The following SUZ12 variants were observed in gnomAD, a reference collection of about 807,000 sequenced individuals.
SUZ12 encodes SUZ12 polycomb repressive complex 2 subunit.
A neutral mutation model predicts 87.3 loss-of-function variants in SUZ12; 17 were observed. That is an observed-to-expected ratio of 0.19 (90% confidence interval 0.13 to 0.29). The LOEUF is 0.29. SUZ12 is among the 10% of genes least tolerant of loss of function. The pLI is 1.00. For missense variants in SUZ12, 526 were observed against 912.2 expected, an observed-to-expected ratio of 0.58 and a Z score of 5.45; for synonymous variants, 253 against 312.4, an observed-to-expected ratio of 0.81 and a Z score of 2.01.
rs57744180 is a variant in SUZ12 at position 31,988,597 on chromosome 17, C to CTTT, written c.1201+111_1201+113dup. ...TTGTGTTTTGCTTTATGTGATTCTT[C>CTTT]TTTTTTTTTTTTTGAGATGGAGTCT... is the stretch of plus-strand genomic sequence containing the variant. On this transcript the variant is annotated intron_variant, in intron 10 of 15. Coordinates refer to ENST00000322652, the MANE Select transcript of SUZ12 (RefSeq NM_015355.4). 5.1e-3 allele frequency: 4,938 copies of CTTT among 962,330 alleles called. 1 individual carries two copies. The highest frequency in any genetic ancestry group is 8.4e-3 in the South Asian group (397 of 47,172). 59.6% of individuals were successfully genotyped at this position (962,330 alleles called of 1,614,324 possible). A position where few individuals can be genotyped will look rare whatever the true frequency, so the allele number is the denominator to read the frequency against.
intron 4 of SUZ12, among the ~76,000 whole-genome samples, chr17:31,963,541 A>G (rs1402151121): frequency 6.6e-6 from 1 of 151,740 alleles, no homozygotes; most frequent in Non-Finnish European, 1.5e-5. Context: ...TCTGTCGCCC[A>G]TGCTGGAGTG....
At chr17:31,945,396 T>C (rs1423262408) in intron 3 of SUZ12, among the ~76,000 whole-genome samples, 1 of 152,152 alleles carries the variant, frequency 6.6e-6, no homozygotes, top group Non-Finnish European at 1.5e-5. Flanking sequence ...TCTAGAAGTA[T>C]TCAACTTCTA....
At chr17:31,940,828 C>A (rs1906228748) in intron 3 of SUZ12, among the ~76,000 whole-genome samples, 1 of 151,766 alleles carries the variant, frequency 6.6e-6, no homozygotes, top group South Asian at 2.1e-4. Context: ...GTTTGGCCAA[C>A]ATGGGAAAAC....
intron 5 of SUZ12, among the ~76,000 whole-genome samples, chr17:31,968,822 G>A (rs895010744): frequency 8.5e-5 from 13 of 152,248 alleles, no homozygotes; most frequent in African/African-American, 3.1e-4. Context: ...AGGGACCTGT[G>A]TAGAACACAT....
intron 4 of SUZ12, among the ~76,000 whole-genome samples, chr17:31,955,749 A>G (rs1045451273): frequency 1.4e-4 from 21 of 151,922 alleles, no homozygotes; most frequent in Non-Finnish European, 2.4e-4. Flanking sequence ...CTACATCTCA[A>G]AAAAACTTAC....
At chr17:31,973,033 G>A in intron 5 of SUZ12, 113 bp from the exon 6 acceptor site, 1 of 959,556 alleles carries the variant, frequency 1.0e-6, no homozygotes, top group Non-Finnish European at 1.5e-6. Flanking sequence ...GTGAACTTTT[G>A]AGAAGTCTTA....
intron 4 of SUZ12, among the ~76,000 whole-genome samples, chr17:31,950,607 C>T (rs1224855362): frequency 6.6e-6 from 1 of 151,996 alleles, no homozygotes; most frequent in Non-Finnish European, 1.5e-5. Context: ...TCCCTTGAAC[C>T]CGGGAGGCAG....
intron 14 of SUZ12, 99 bp downstream of exon 14, chr17:31,995,861 T>C: frequency 1.2e-6 from 1 of 857,006 alleles, no homozygotes; most frequent in South Asian, 1.9e-5. Flanking sequence ...GGAACTTTTT[T>C]TAAAAAAAAA....
chr17:31,955,759 C>T (rs528442662), intron 4 of SUZ12, among the ~76,000 whole-genome samples: 13 of 151,808 alleles, frequency 8.6e-5, no homozygotes, highest in Non-Finnish European at 1.9e-4. Flanking sequence ...AAAAAACTTA[C>T]AGTAGAGATC....
chr17:31,937,175 T>G lies in SUZ12; in HGVS notation c.-72T>G. 22 of 1,274,388 alleles carry G rather than the reference T, an allele frequency of 1.7e-5. No homozygotes were observed. Among genetic ancestry groups the G allele is most frequent in the Non-Finnish European group, 1.9e-5 (19 of 986,446 alleles). The allele number at this position is 1,274,388 out of a possible 1,614,324, so 78.9% of individuals were successfully genotyped here. ...CGCCGGAGCCTGCTGGGGCGAGCGG[T>G]TGGTATTGCAGGCGCTTGCTCTCCG... On this transcript the variant is annotated 5_prime_UTR_variant, in exon 1 of 16. Coordinates refer to ENST00000322652, the MANE Select transcript of SUZ12 (RefSeq NM_015355.4).
intron 8 of SUZ12, among the ~76,000 whole-genome samples, chr17:31,978,593 G>T (rs185326620): frequency 0.043 from 6,583 of 152,188 alleles, 210 homozygotes; most frequent in East Asian, 0.15. Flanking sequence ...GAAAATAGTG[G>T]TCATGTCTGT....
intron 4 of SUZ12, among the ~76,000 whole-genome samples, chr17:31,954,294 C>T (rs776078236): frequency 6.6e-6 from 1 of 152,132 alleles, no homozygotes; most frequent in Non-Finnish European, 1.5e-5. Flanking sequence ...AACTCCTGAC[C>T]TCGTGTTCTG....
chr17:31,980,694 C>T (rs1165254737), intron 8 of SUZ12, among the ~76,000 whole-genome samples: 1 of 151,882 alleles, frequency 6.6e-6, no homozygotes, highest in Non-Finnish European at 1.5e-5. Context: ...GTGATCCTCC[C>T]ACCTCAGCCT....
intron 4 of SUZ12, among the ~76,000 whole-genome samples, chr17:31,950,500 A>G (rs1248163294): frequency 6.6e-6 from 1 of 152,012 alleles, no homozygotes. Flanking sequence ...CCTGGCCAAC[A>G]GGGGAAAACC....
intron 14 of SUZ12, among the ~76,000 whole-genome samples, chr17:31,996,014 G>T (rs538293999): frequency 3.2e-4 from 48 of 152,244 alleles, no homozygotes; most frequent in Admixed American, 2.6e-3. Context: ...TTCAAGACCA[G>T]TCTGGACAGC....
At chr17:31,950,745 C>T (rs1331938749) in intron 4 of SUZ12, among the ~76,000 whole-genome samples, 1 of 151,884 alleles carries the variant, frequency 6.6e-6, no homozygotes, top group Non-Finnish European at 1.5e-5. Flanking sequence ...AAGTTAATAT[C>T]TTAAATCGTA....
At position 31,937,338 on chromosome 17, in the gene SUZ12, T is replaced by C; in HGVS notation, c.92T>C (p.Val31Ala). ...GGCGGCTTCGGGGGTTCGGCGGCGGTGGCGGCGGCGACGGCTTCGGGCGGC... is the reference window on the plus strand; with the variant it reads ...GGCGGCTTCGGGGGTTCGGCGGCGGCGGCGGCGGCGACGGCTTCGGGCGGC... ...GGGGFGGSAA[V>A]AAATASGGKS... is the part of the protein sequence containing the mutation. Residue 31 changes from valine to alanine, a missense_variant, in exon 1 of 16, where the codon GTG becomes GCG. Coordinates refer to ENST00000322652, the MANE Select transcript of SUZ12 (RefSeq NM_015355.4). 1.4e-6 allele frequency: 2 copies of C among 1,473,082 alleles called. No individual in the cohort carries two copies. The highest frequency in any genetic ancestry group is 2.6e-5 in the South Asian group (2 of 76,386). The allele number at this position is 1,473,082 out of a possible 1,614,324, so 91.3% of individuals were successfully genotyped here.
At chr17:31,981,441 T>C (rs147389967) in intron 8 of SUZ12, among the ~76,000 whole-genome samples, 1,564 of 152,356 alleles carry the variant, frequency 0.01, 13 homozygotes, top group Non-Finnish European at 0.015. Flanking sequence ...TTGATCAGGC[T>C]GTGGGGGAAA....
At chr17:31,942,982 T>C (rs1267253026) in intron 3 of SUZ12, among the ~76,000 whole-genome samples, 1 of 152,244 alleles carries the variant, frequency 6.6e-6, no homozygotes, top group South Asian at 2.1e-4. Context: ...TGCTACTGTT[T>C]ATTAAGTAGG....
Sources: gnomAD v4.1 joint callset for allele counts (sites outside exome capture counted in the v4.1 genomes callset) on GRCh38, gnomAD v4.1.1 for gene constraint, MANE v1.5 for transcripts, NCBI Gene and HGNC (gene_info 2026-07-23, HGNC 2026-07-21) for gene names.